The following RASGRP3 variants were observed in gnomAD, a reference collection of about 807,000 sequenced individuals.
RASGRP3 encodes the protein ras guanyl-releasing protein 3.
RASGRP3 carries 54 observed loss-of-function variants against 82.7 expected under a neutral mutation model. That is an observed-to-expected ratio of 0.65 (90% confidence interval 0.52 to 0.82). The LOEUF is 0.82. Ranked by LOEUF, RASGRP3 falls within the 40% of genes least tolerant of loss-of-function variation. The pLI, the probability that RASGRP3 is intolerant of heterozygous loss-of-function variation, is 0.00. For synonymous variants in RASGRP3, 309 were observed against 300.5 expected, an observed-to-expected ratio of 1.03 and a Z score of -0.29; for missense variants, 861 against 828.9, an observed-to-expected ratio of 1.04 and a Z score of -0.48.
At chr2:33,536,237 G>A (rs930979793) in intron 11 of RASGRP3, among the ~76,000 whole-genome samples, 1 of 150,336 alleles carries the variant, frequency 6.7e-6, no homozygotes, top group Middle Eastern at 3.2e-3. Flanking sequence ...AGGAGGCAGA[G>A]GTTGCAGTGA....
At chr2:33,518,596 TA>T (rs1345286332) in intron 4 of RASGRP3, among the ~76,000 whole-genome samples, 1 of 152,258 alleles carries the variant, frequency 6.6e-6, no homozygotes, top group East Asian at 1.9e-4. Flanking sequence ...TATAAACCTT[TA>T]AAAACTTTTT....
chr2:33,450,206 A>G (rs1665714055), intron 2 of RASGRP3, among the ~76,000 whole-genome samples: 1 of 152,222 alleles, frequency 6.6e-6, no homozygotes, highest in African/African-American at 2.4e-5. Flanking sequence ...CCTATTTAAC[A>G]TACTTATCAC....
chr2:33,529,194 A>G (rs891155832), intron 10 of RASGRP3, among the ~76,000 whole-genome samples: 3 of 152,200 alleles, frequency 2.0e-5, no homozygotes, highest in Non-Finnish European at 4.4e-5. Context: ...AGGATTTTCA[A>G]TAAAATTTCA....
At chr2:33,560,816 T>C (rs1281814700) in intron 17 of RASGRP3, among the ~76,000 whole-genome samples, 2 of 152,206 alleles carry the variant, frequency 1.3e-5, no homozygotes, top group Non-Finnish European at 2.9e-5. Flanking sequence ...ATAGTGAAAT[T>C]GGCCATGAGC....
chr2:33,480,531 G>A (rs573866069), intron 1 of RASGRP3, among the ~76,000 whole-genome samples: 7 of 152,234 alleles, frequency 4.6e-5, no homozygotes, highest in Admixed American at 2.0e-4. Flanking sequence ...ATGGGTACAC[G>A]TGAAGTGGAC....
chr2:33,462,520 T>C (rs1461417303), intron 2 of RASGRP3, among the ~76,000 whole-genome samples: 2 of 151,890 alleles, frequency 1.3e-5, no homozygotes, highest in African/African-American at 4.8e-5. Flanking sequence ...TGGAATTACA[T>C]GCAGCCGCCA....
rs1673977960 is a variant in RASGRP3 at position 33,539,187 on chromosome 2, A to G, written c.1255A>G (p.Lys419Glu). Residue 419 changes from lysine to glutamate, a missense_variant, in exon 12 of 18, where the codon AAG (lysine) becomes GAG (glutamate). Physicochemically the swap from Lys to Glu is moderately conservative, Grantham distance 56. Transcript: ENST00000403687. ...MPKPDPTVINKHIRKLVESVF... is the reference protein window; with the variant it reads ...MPKPDPTVINEHIRKLVESVF... ...AAAGCCAGACCCCACGGTCATCAAC[A>G]AGCACATAAGGAAATTAGTGGAGGT... 2 of 1,608,788 alleles carry G rather than the reference A, an allele frequency of 1.2e-6. No individual in the cohort carries two copies. The highest frequency in any genetic ancestry group is 1.7e-6 in the Non-Finnish European group (2 of 1,177,624).
intron 6 of RASGRP3, among the ~76,000 whole-genome samples, chr2:33,521,703 C>T (rs543424596): frequency 7.3e-4 from 111 of 152,312 alleles, no homozygotes; most frequent in Middle Eastern, 6.8e-3. Flanking sequence ...CAGACCTTGC[C>T]GGTCACAAAG....
intron 2 of RASGRP3, among the ~76,000 whole-genome samples, chr2:33,466,934 C>A (rs752428814): frequency 6.6e-6 from 1 of 152,046 alleles, no homozygotes; most frequent in East Asian, 1.9e-4. Context: ...GCTGCTCACT[C>A]GTTGTGGGCA....
chr2:33,441,320 A>G (rs1400280050), intron 1 of RASGRP3, among the ~76,000 whole-genome samples: 1 of 152,054 alleles, frequency 6.6e-6, no homozygotes, highest in Non-Finnish European at 1.5e-5. Context: ...TAGGGTTTAA[A>G]AAATATTCCA....
intron 2 of RASGRP3, among the ~76,000 whole-genome samples, chr2:33,452,102 G>A (rs745580659): frequency 1.2e-4 from 18 of 152,026 alleles, no homozygotes; most frequent in Non-Finnish European, 2.1e-4. Context: ...TACCCTCATC[G>A]AATCCCCTAT....
intron 1 of RASGRP3, among the ~76,000 whole-genome samples, chr2:33,502,314 G>C (rs1669944257): frequency 6.6e-6 from 1 of 151,932 alleles, no homozygotes. Flanking sequence ...GTGGGGGTTG[G>C]GGGGTGTAGA....
At chr2:33,500,335 T>C (rs1669747126) in intron 1 of RASGRP3, among the ~76,000 whole-genome samples, 1 of 152,040 alleles carries the variant, frequency 6.6e-6, no homozygotes, top group Non-Finnish European at 1.5e-5. Context: ...AAAGATTGAT[T>C]TGGGCCCAGG....
At chr2:33,538,013 A>G (rs1312896445) in intron 11 of RASGRP3, among the ~76,000 whole-genome samples, 1 of 152,232 alleles carries the variant, frequency 6.6e-6, no homozygotes, top group East Asian at 1.9e-4. Context: ...AAACTTGGCC[A>G]CCCACTGGTA....
intron 7 of RASGRP3, among the ~76,000 whole-genome samples, chr2:33,523,308 T>TA (rs753600296): frequency 4.6e-5 from 7 of 151,900 alleles, no homozygotes; most frequent in Non-Finnish European, 1.0e-4. Flanking sequence ...CTAAAAATAC[T>TA]AAAAAATTTA....
rs182427176 is a variant in RASGRP3, at chr2:33,529,802, C to A, written c.1083+2390C>A. 2.8e-3 allele frequency among the ~76,000 whole-genome samples: 428 copies of A among 152,156 alleles called. 2 individuals are homozygous for A. Among genetic ancestry groups the A allele is most frequent in the African/African-American group, 0.01 (418 of 41,524 alleles). ...TGCTCATTTGTGAGGTCTTTTCCAG[C>A]TCTAAACTTCTAGGATTCTAGATGT... On this transcript the variant is annotated intron_variant, in intron 10 of 17. Coordinates refer to ENST00000403687, the MANE Select transcript of RASGRP3 (RefSeq NM_001139488.2).
At chr2:33,539,262 T>G (rs758767685) in intron 12 of RASGRP3, 52 bp downstream of exon 12, 9 of 1,356,824 alleles carry the variant, frequency 6.6e-6, no homozygotes, top group Non-Finnish European at 9.3e-6. Flanking sequence ...CCTTTCTCTT[T>G]CCAGAATGTT....
At chr2:33,516,397 A>T (rs1671471378) in intron 3 of RASGRP3, 145 bp from the exon 4 acceptor site, 2 of 564,380 alleles carry the variant, frequency 3.5e-6, no homozygotes, top group East Asian at 6.4e-5. Flanking sequence ...ACAGAGCAAG[A>T]CTCCATCTTA....
intron 17 of RASGRP3, among the ~76,000 whole-genome samples, chr2:33,562,267 CTTTT>C (rs71409631): frequency 4.7e-5 from 6 of 127,064 alleles, no homozygotes; most frequent in Admixed American, 8.3e-5. Context: ...ATCTCTCTCT[CTTTT>C]TTTTTTTTTT....
Sources: gnomAD v4.1 joint callset for allele counts (sites outside exome capture counted in the v4.1 genomes callset) on GRCh38, gnomAD v4.1.1 for gene constraint, MANE v1.5 for transcripts, NCBI Gene and HGNC (gene_info 2026-07-23, HGNC 2026-07-21) for gene names.